The following DIAPH2 variants were observed in gnomAD, a reference collection of about 807,000 sequenced individuals.
DIAPH2 encodes the protein diaphanous related formin 2, also known as protein diaphanous homolog 2.
A neutral mutation model predicts 92.7 loss-of-function variants in DIAPH2; 35 were observed. That is an observed-to-expected ratio of 0.38 (90% confidence interval 0.29 to 0.50). The LOEUF (loss-of-function observed/expected upper bound fraction) is 0.50, where lower values mean the gene tolerates loss of function less well. DIAPH2 is among the 20% of genes least tolerant of loss of function. The pLI, the probability that DIAPH2 is intolerant of heterozygous loss-of-function variation, is 0.94. For missense variants in DIAPH2, 701 were observed against 819.5 expected (o/e 0.86, Z 1.77); for synonymous variants, 301 against 280.4 (o/e 1.07, Z -0.73).
intron 19 of DIAPH2, among the ~76,000 whole-genome samples, chrX:97,087,603 A>AG: frequency 9.0e-6 from 1 of 111,725 alleles, no homozygotes; most frequent in East Asian, 2.8e-4. Flanking sequence ...TGCCTTTAGA[A>AG]GGGGGGAAAT....
rs2069326668 is a variant in DIAPH2, at chrX:97,361,637, T to TATTA, written c.3009+13358_3009+13361dup. ...GTTGGTTAATTCAGTAGCTTAGTAA[T>TATTA]ATTATTAAGGACCCAGGATATTCCA... is the stretch of plus-strand genomic sequence containing the variant. On this transcript the variant is annotated intron_variant, in intron 24 of 26. Transcript: ENST00000324765. 7.1e-5 allele frequency among the ~76,000 whole-genome samples: 8 copies of TATTA among 112,018 alleles called. No individual in the cohort carries two copies. In the Admixed American group the frequency reaches 7.6e-4, roughly 11 times the overall value.
intron 26 of DIAPH2, among the ~76,000 whole-genome samples, chrX:97,577,254 A>C (rs912971703): frequency 1.8e-5 from 2 of 112,494 alleles, no homozygotes; most frequent in Non-Finnish European, 1.9e-5. Context: ...GAATATGTAT[A>C]TATGGGAACA....
chrX:97,358,874 A>T lies in DIAPH2; in HGVS notation c.3009+10594A>T, dbSNP rs762468288. The stretch of plus-strand genomic sequence containing the variant: ...CATGTACATAAGTATTTAGATTGTG[A>T]ATTTGTTTTTCTTAAAATAATAATA... On this transcript the variant is annotated intron_variant, in intron 24 of 26. Coordinates refer to ENST00000324765, the MANE Select transcript of DIAPH2 (RefSeq NM_006729.5). 2.7e-5 allele frequency among the ~76,000 whole-genome samples: 3 copies of T among 112,092 alleles called. No individual in the cohort carries two copies. The South Asian group carries it at 1.1e-3, about 41-fold the overall frequency.
intron 23 of DIAPH2, among the ~76,000 whole-genome samples, chrX:97,296,236 G>A (rs1171511710): frequency 9.0e-6 from 1 of 111,080 alleles, no homozygotes; most frequent in Non-Finnish European, 1.9e-5. Context: ...GCTGTCCTTA[G>A]CCTAGAGAAA....
chrX:97,412,878 C>T (rs1004400612), intron 25 of DIAPH2, among the ~76,000 whole-genome samples: 4 of 111,898 alleles, frequency 3.6e-5, no homozygotes, highest in Non-Finnish European at 7.5e-5. Context: ...TCTGAATAGA[C>T]CAATAACAGG....
At chrX:97,132,261 G>A (rs1222609270) in intron 21 of DIAPH2, among the ~76,000 whole-genome samples, 1 of 111,030 alleles carries the variant, frequency 9.0e-6, no homozygotes. Context: ...TGTAAAAAAG[G>A]GACTATCAGG....
At chrX:97,145,091 TCTACTAC>T (rs1044580929) in intron 22 of DIAPH2, among the ~76,000 whole-genome samples, 1 of 112,102 alleles carries the variant, frequency 8.9e-6, no homozygotes, top group Non-Finnish European at 1.9e-5. Flanking sequence ...TAATCCTAGC[TCTACTAC>T]CTATTAGTTC....
intron 24 of DIAPH2, among the ~76,000 whole-genome samples, chrX:97,368,946 C>T (rs2069412843): frequency 1.4e-5 from 1 of 68,971 alleles, no homozygotes; most frequent in Non-Finnish European, 2.5e-5. Flanking sequence ...GCTCTTGTTG[C>T]CCAGACTGGA....
chrX:97,014,180 A>C (rs1164212539), intron 17 of DIAPH2, among the ~76,000 whole-genome samples: 1 of 111,767 alleles, frequency 8.9e-6, no homozygotes, highest in Admixed American at 9.5e-5. Flanking sequence ...TTATTGCACT[A>C]TGGGGTTAAT....
At chrX:97,438,578 T>C (rs1168864414) in intron 26 of DIAPH2, among the ~76,000 whole-genome samples, 1 of 108,657 alleles carries the variant, frequency 9.2e-6, no homozygotes, top group Non-Finnish European at 1.9e-5. Context: ...GGTTTTGTCA[T>C]GCTGCCCGGG....
intron 4 of DIAPH2, among the ~76,000 whole-genome samples, chrX:96,834,649 AT>A (rs2064875884): frequency 8.9e-6 from 1 of 111,830 alleles, no homozygotes; most frequent in Non-Finnish European, 1.9e-5. Flanking sequence ...TTTTAATAGT[AT>A]GATACATTAG....
chrX:97,284,010 T>G (rs1239863098), intron 23 of DIAPH2, among the ~76,000 whole-genome samples: 2 of 112,128 alleles, frequency 1.8e-5, no homozygotes. Flanking sequence ...CCAATCAAAA[T>G]AGATGCAATC....
At chrX:96,999,811 T>C (rs986893195) in intron 17 of DIAPH2, among the ~76,000 whole-genome samples, 10 of 111,352 alleles carry the variant, frequency 9.0e-5, no homozygotes, top group Non-Finnish European at 1.1e-4. Flanking sequence ...AGGGACCTGG[T>C]GGGAGGTAAT....
chrX:96,808,288 G>T (rs3132094), intron 4 of DIAPH2, among the ~76,000 whole-genome samples: 1 of 109,377 alleles, frequency 9.1e-6, no homozygotes, highest in Non-Finnish European at 1.9e-5. Flanking sequence ...ATAAATAAAG[G>T]ATATAATGAG....
chrX:96,707,317 C>T (rs1049709206), intron 1 of DIAPH2, among the ~76,000 whole-genome samples: 9 of 108,129 alleles, frequency 8.3e-5, no homozygotes, highest in Non-Finnish European at 1.7e-4. Flanking sequence ...TACAGGTGTC[C>T]GCCACCATGC....
intron 5 of DIAPH2, among the ~76,000 whole-genome samples, chrX:96,899,986 C>CGT (rs1556290431): frequency 1.4e-4 from 15 of 109,347 alleles, no homozygotes; most frequent in Non-Finnish European, 2.7e-4. Flanking sequence ...TTGAGATAAT[C>CGT]GTGGTTTTTG....
intron 23 of DIAPH2, among the ~76,000 whole-genome samples, chrX:97,256,659 G>A (rs2068238553): frequency 9.1e-6 from 1 of 109,354 alleles, no homozygotes; most frequent in African/African-American, 3.4e-5. Flanking sequence ...TTCTGTTTTT[G>A]TTTGTTTGTT....
chrX:97,243,827 A>T (rs5921696), intron 22 of DIAPH2, among the ~76,000 whole-genome samples: 8,498 of 111,356 alleles, frequency 0.076, 461 homozygotes, highest in African/African-American at 0.19. Flanking sequence ...ATTATATCTA[A>T]CCTCTCCCTG....
chrX:97,411,382 T>G (rs774218200), intron 25 of DIAPH2, among the ~76,000 whole-genome samples: 2 of 112,087 alleles, frequency 1.8e-5, no homozygotes, highest in South Asian at 7.4e-4. Flanking sequence ...CAGCCTGCCT[T>G]ACAAGAGCTC....
Sources: allele counts gnomAD v4.1 joint callset (sites outside exome capture counted in the v4.1 genomes callset), GRCh38; gene constraint gnomAD v4.1.1; transcripts MANE v1.5; gene names NCBI Gene and HGNC (gene_info 2026-07-23, HGNC 2026-07-21).